The following FARP1 variants were observed in gnomAD, a reference collection of about 807,000 sequenced individuals.
FARP1 encodes the protein FERM, ARH/RhoGEF and pleckstrin domain protein 1.
FARP1 carries 52 observed loss-of-function variants against 128.8 expected under a neutral mutation model. The observed-to-expected ratio is 0.40, with a 90% CI of 0.32 to 0.51. The LOEUF (loss-of-function observed/expected upper bound fraction) is 0.51, where lower values mean the gene tolerates loss of function less well. Among genes scored for constraint, FARP1 ranks in the 20% least tolerant of loss-of-function variants. FARP1 has a pLI of 0.45. For synonymous variants in FARP1, 580 were observed against 551.8 expected (o/e 1.05, Z -0.72); for missense variants, 1,333 against 1,367.9 (o/e 0.97, Z 0.40).
At chr13:98,279,748 T>C (rs1884842067) in intron 2 of FARP1, among the ~76,000 whole-genome samples, 1 of 152,170 alleles carries the variant, frequency 6.6e-6, no homozygotes, top group Admixed American at 6.5e-5. Context: ...AGGTGGGTTG[T>C]CTTCTGAAAT....
chr13:98,410,849 A>G (rs2140117636), intron 15 of FARP1, 26 bp downstream of exon 15: 2 of 1,181,654 alleles, frequency 1.7e-6, no homozygotes, highest in Non-Finnish European at 1.3e-6. Flanking sequence ...CCCCAAAAGC[A>G]TTCGATTACA....
chr13:98,388,383 G>A lies in FARP1; in HGVS notation c.760G>A (p.Gly254Ser), dbSNP rs766006216. ...VANTGILVFQ[G>S]FTKINAFNWA... Reference sequence around the variant, plus strand: ...TCACTGCTACTGTCTTTCTTTTTAGGGTTTCACTAAGATCAATGCCTTCAA... The same window carrying A: ...TCACTGCTACTGTCTTTCTTTTTAGAGTTTCACTAAGATCAATGCCTTCAA... Residue 254 changes from glycine to serine, a missense_variant and splice_region_variant, in exon 9 of 27, where the codon GGT (glycine) becomes AGT (serine). By Grantham distance (56) the Gly-to-Ser change is moderately conservative. Coordinates refer to ENST00000319562, the MANE Select transcript of FARP1 (RefSeq NM_005766.4). 6.2e-7 allele frequency: 1 copy of A among 1,612,464 alleles called. No individual in the cohort carries two copies. Among genetic ancestry groups the A allele is most frequent in the South Asian group, 1.1e-5 (1 of 91,050 alleles).
intron 16 of FARP1, among the ~76,000 whole-genome samples, chr13:98,412,867 G>T (rs1891241681): frequency 6.6e-6 from 1 of 152,206 alleles, no homozygotes; most frequent in Admixed American, 6.5e-5. Flanking sequence ...TTTGAAAAAT[G>T]CCAGGAGAAA....
intron 1 of FARP1, among the ~76,000 whole-genome samples, chr13:98,200,025 C>G (rs551679111): frequency 1.3e-5 from 2 of 152,124 alleles, no homozygotes; most frequent in Non-Finnish European, 2.9e-5. Context: ...CTTTGCATAT[C>G]TGTTTAATGG....
At chr13:98,315,335 G>T (rs1566868220) in intron 2 of FARP1, among the ~76,000 whole-genome samples, 1 of 152,004 alleles carries the variant, frequency 6.6e-6, no homozygotes, top group Non-Finnish European at 1.5e-5. Flanking sequence ...CGAACTCCTG[G>T]GCTCAAGCAA....
At chr13:98,222,576 A>G (rs1295039454) in intron 2 of FARP1, among the ~76,000 whole-genome samples, 3 of 151,664 alleles carry the variant, frequency 2.0e-5, no homozygotes, top group Non-Finnish European at 4.4e-5. Flanking sequence ...GGATAATACA[A>G]CATGTTGGCT....
chr13:98,310,604 G>A (rs1308430377), intron 2 of FARP1, among the ~76,000 whole-genome samples: 4 of 152,308 alleles, frequency 2.6e-5, no homozygotes, highest in Admixed American at 6.5e-5. Flanking sequence ...TCAGTTACAA[G>A]TGTGAACACT....
chr13:98,371,482 C>A (rs549134213), intron 5 of FARP1, among the ~76,000 whole-genome samples: 1 of 152,192 alleles, frequency 6.6e-6, no homozygotes, highest in South Asian at 2.1e-4. Context: ...CCAGTGTGAA[C>A]TGACATTTAA....
intron 2 of FARP1, among the ~76,000 whole-genome samples, chr13:98,215,434 C>A (rs1594281042): frequency 6.6e-6 from 1 of 152,290 alleles, no homozygotes; most frequent in East Asian, 1.9e-4. Context: ...GTTCAAATCC[C>A]AGCATCTCCT....
intron 25 of FARP1, 111 bp downstream of exon 25, chr13:98,446,316 C>G (rs540523467): frequency 1.4e-6 from 1 of 703,386 alleles, no homozygotes; most frequent in Non-Finnish European, 2.5e-6. Flanking sequence ...CCAGGTGTCA[C>G]GGGGATGACA....
chr13:98,328,802 T>G (rs1296026704), intron 2 of FARP1: 1 of 152,236 alleles, frequency 6.6e-6, no homozygotes, highest in East Asian at 1.9e-4. Flanking sequence ...AGCCTGGATC[T>G]GCTGGGTAAA....
chr13:98,155,771 G>A (rs1186007505), intron 1 of FARP1, among the ~76,000 whole-genome samples: 3 of 151,984 alleles, frequency 2.0e-5, no homozygotes, highest in African/African-American at 7.3e-5. Flanking sequence ...CATCTGCTTC[G>A]GCCTCCCAAA....
intron 1 of FARP1, among the ~76,000 whole-genome samples, chr13:98,160,548 G>A (rs1876807649): frequency 6.6e-6 from 1 of 152,154 alleles, no homozygotes; most frequent in African/African-American, 2.4e-5. Context: ...TAGAAACATG[G>A]AAAGTGAAGA....
At chr13:98,146,727 T>C (rs1594196270) in intron 1 of FARP1, among the ~76,000 whole-genome samples, 2 of 152,220 alleles carry the variant, frequency 1.3e-5, no homozygotes, top group South Asian at 4.1e-4. Context: ...GGACAGGCAT[T>C]CCCTGTATTG....
rs753730298 is a variant in FARP1, at chr13:98,448,518, G to C, written c.*201G>C. 22 of 576,204 alleles carry C rather than the reference G, an allele frequency of 3.8e-5. No individual in the cohort carries two copies. Among genetic ancestry groups the C allele is most frequent in the Non-Finnish European group, 6.2e-5 (20 of 322,626 alleles). 35.7% of individuals were successfully genotyped at this position (576,204 alleles called of 1,614,324 possible). A position where few individuals can be genotyped will look rare whatever the true frequency, so the allele number is the denominator to read the frequency against. On this transcript the variant is annotated 3_prime_UTR_variant, in exon 27 of 27. Transcript: ENST00000319562. The stretch of plus-strand genomic sequence containing the variant: ...GAACAGCGCTCCCACCTCCAGTCCT[G>C]GCATCCGCTGGGGGCGCTGTTCTTT...
intron 1 of FARP1, among the ~76,000 whole-genome samples, chr13:98,150,550 A>G (rs1306469054): frequency 9.9e-5 from 15 of 152,214 alleles, no homozygotes; most frequent in Admixed American, 7.2e-4. Context: ...TTGAAAGGCA[A>G]AAGTTATTAG....
intron 1 of FARP1, among the ~76,000 whole-genome samples, chr13:98,182,556 G>A (rs1878608780): frequency 6.6e-6 from 1 of 152,070 alleles, no homozygotes; most frequent in Non-Finnish European, 1.5e-5. Context: ...CAAACTCCCG[G>A]GCTTTAGTGA....
Position 98,143,141 on chromosome 13 carries a change from C to T in FARP1, c.-375C>T, listed in dbSNP as rs1048816141. ...AGAGGCGGCGGGTCCGGCGCGGGCG[C>T]AGCGGTGCGGGCGCTCGGCTGGGGC... On this transcript the variant is annotated 5_prime_UTR_variant, in exon 1 of 27. Transcript: ENST00000319562. 1.4e-5 allele frequency: 2 copies of T among 147,152 alleles called. No homozygotes were observed. The highest frequency in any genetic ancestry group is 6.7e-5 in the Admixed American group (1 of 14,842). The allele number at this position is 147,152 out of a possible 1,614,324, so 9.1% of individuals were successfully genotyped here. A position where few individuals can be genotyped will look rare whatever the true frequency, so the allele number is the denominator to read the frequency against.
chr13:98,272,946 T>C (rs1161892228), intron 2 of FARP1, among the ~76,000 whole-genome samples: 13 of 152,286 alleles, frequency 8.5e-5, no homozygotes, highest in Non-Finnish European at 1.8e-4. Flanking sequence ...AAAACCAGAC[T>C]CCATAAAATA....
Sources: allele counts gnomAD v4.1 joint callset (sites outside exome capture counted in the v4.1 genomes callset), GRCh38; gene constraint gnomAD v4.1.1; transcripts MANE v1.5; gene names NCBI Gene and HGNC (gene_info 2026-07-23, HGNC 2026-07-21).